Variants in SNTG2 observed in about 807,000 individuals in gnomAD.
The protein encoded by SNTG2 is gamma-2-syntrophin.
In SNTG2, 74 loss-of-function variants were observed where a neutral mutation model predicts 70.9. The observed-to-expected ratio is 1.04, with a 90% CI of 0.86 to 1.27. The LOEUF (loss-of-function observed/expected upper bound fraction) is 1.27, where lower values mean the gene tolerates loss of function less well. Among genes scored for constraint, SNTG2 ranks in the 50% most tolerant of loss-of-function variants. The probability of loss-of-function intolerance (pLI) is 0.00; values close to 1 mark genes in which losing one functional copy is unlikely to be tolerated. For synonymous variants in SNTG2, 278 were observed against 273.8 expected, an observed-to-expected ratio of 1.02 and a Z score of -0.15; for missense variants, 717 against 690.7, an observed-to-expected ratio of 1.04 and a Z score of -0.43.
intron 1 of SNTG2, among the ~76,000 whole-genome samples, chr2:1,062,016 A>G (rs568985205): frequency 2.6e-4 from 39 of 152,364 alleles, no homozygotes; most frequent in African/African-American, 9.1e-4. Context: ...GGAATTAGAC[A>G]TAAGAGGCCT....
At chr2:1,327,915 A>C (rs1421183149) in intron 16 of SNTG2, among the ~76,000 whole-genome samples, 1 of 152,214 alleles carries the variant, frequency 6.6e-6, no homozygotes, top group Non-Finnish European at 1.5e-5. Context: ...AGTAATTTAT[A>C]AAGAAAAGAG....
At chr2:1,072,331 TC>T (rs1553319285) in intron 1 of SNTG2, among the ~76,000 whole-genome samples, 5 of 100,466 alleles carry the variant, frequency 5.0e-5, no homozygotes, top group East Asian at 2.9e-4. Context: ...TTTTTCTTTT[TC>T]TTTTCTTTTT....
chr2:1,000,504 A>G (rs937998801), intron 1 of SNTG2, among the ~76,000 whole-genome samples: 1 of 151,970 alleles, frequency 6.6e-6, no homozygotes, highest in African/African-American at 2.4e-5. Context: ...TTCTGTTCAC[A>G]CAGACTAGAA....
rs150945461 is a variant in SNTG2, at chr2:1,306,732, CTG to C, written c.1285-1757_1285-1756del. 1.3e-3 allele frequency among the ~76,000 whole-genome samples: 187 copies of C among 147,266 alleles called. 1 individual carries two copies. Among genetic ancestry groups the C allele is most frequent in the Middle Eastern group, 8.1e-3 (2 of 246 alleles). On this transcript the variant is annotated intron_variant, in intron 14 of 16. Transcript: ENST00000308624. The stretch of plus-strand genomic sequence containing the variant: ...TGTGCCATGCACTGTCAGCCGTGCG[CTG>C]TGTGAGCCACACTGTGTGTGTCAGC...
chr2:1,305,784 C>T (rs2148242892), intron 14 of SNTG2, among the ~76,000 whole-genome samples: 1 of 152,232 alleles, frequency 6.6e-6, no homozygotes, highest in Middle Eastern at 3.4e-3. Context: ...TTTCCTTCAT[C>T]CTAAGCCCCT....
intron 14 of SNTG2, among the ~76,000 whole-genome samples, chr2:1,280,822 T>C (rs2148205696): frequency 6.6e-6 from 1 of 152,376 alleles, no homozygotes. Flanking sequence ...GTGCTTTGCT[T>C]TTAATAAGTG....
chr2:1,227,512 C>T (rs917215767), intron 9 of SNTG2, among the ~76,000 whole-genome samples: 35 of 152,340 alleles, frequency 2.3e-4, no homozygotes, highest in African/African-American at 6.0e-4. Flanking sequence ...GGGAGAGTCA[C>T]GGCAGACAGC....
At chr2:1,245,816 C>T in intron 11 of SNTG2, among the ~76,000 whole-genome samples, 1 of 152,130 alleles carries the variant, frequency 6.6e-6, no homozygotes, top group East Asian at 1.9e-4. Flanking sequence ...TATGAATGTC[C>T]CTGGCATTTG....
chr2:1,362,023 G>A (rs962636335), intron 16 of SNTG2, among the ~76,000 whole-genome samples: 10 of 150,904 alleles, frequency 6.6e-5, no homozygotes, highest in Non-Finnish European at 8.8e-5. Context: ...GAACTTCCAT[G>A]AAAGTCATTG....
chr2:1,224,638 T>C (rs756810448), intron 9 of SNTG2, among the ~76,000 whole-genome samples: 2 of 152,182 alleles, frequency 1.3e-5, no homozygotes, highest in Non-Finnish European at 2.9e-5. Context: ...ATCTGCAGAA[T>C]GCATTCCATG....
chr2:1,019,732 C>G (rs764378458), intron 1 of SNTG2, among the ~76,000 whole-genome samples: 1 of 152,076 alleles, frequency 6.6e-6, no homozygotes, highest in Non-Finnish European at 1.5e-5. Flanking sequence ...GAGGCTCATG[C>G]GAGGTGGGCG....
intron 1 of SNTG2, among the ~76,000 whole-genome samples, chr2:1,058,863 G>A (rs964025836): frequency 2.0e-5 from 3 of 152,314 alleles, no homozygotes; most frequent in South Asian, 2.1e-4. Flanking sequence ...CTGTGCCAGA[G>A]CCCTCCTTGA....
chr2:989,913 A>G (rs1304424539), intron 1 of SNTG2, among the ~76,000 whole-genome samples: 1 of 152,246 alleles, frequency 6.6e-6, no homozygotes, highest in South Asian at 2.1e-4. Flanking sequence ...TATGCAGTTT[A>G]CTGCATAGAG....
At position 1,175,070 on chromosome 2, in the gene SNTG2, T is replaced by C. The variant is rs372988861; in HGVS notation, c.591+1887T>C. On this transcript the variant is annotated intron_variant, in intron 8 of 16. Coordinates refer to ENST00000308624, the MANE Select transcript of SNTG2 (RefSeq NM_018968.4). Reference sequence around the variant, plus strand: ...ATCTTAAGTTCATAAAGACACTTCCTTATATTTTCCTCTAAATATTGTTAA... The same window carrying C: ...ATCTTAAGTTCATAAAGACACTTCCCTATATTTTCCTCTAAATATTGTTAA... Among the ~76,000 whole-genome samples, 13 of 152,364 alleles carry C rather than the reference T, an allele frequency of 8.5e-5. No individual in the cohort carries two copies. The East Asian group carries it at 1.9e-3, about 23-fold the overall frequency.
rs573123055 is a variant in SNTG2, at chr2:1,244,956, T to C, written c.889-2371T>C. ...TAATAAGGCCATAAAAAATGATGAG[T>C]TCATGTCCTTTGTAGGGACATGGAT... On this transcript the variant is annotated intron_variant, in intron 11 of 16. Coordinates refer to ENST00000308624, the MANE Select transcript of SNTG2 (RefSeq NM_018968.4). 3.3e-5 allele frequency among the ~76,000 whole-genome samples: 5 copies of C among 151,948 alleles called. No individual in the cohort carries two copies. In the East Asian group the frequency reaches 9.7e-4, roughly 30 times the overall value.
intron 4 of SNTG2, among the ~76,000 whole-genome samples, chr2:1,111,611 T>C (rs1236198888): frequency 6.6e-6 from 1 of 152,220 alleles, no homozygotes; most frequent in Non-Finnish European, 1.5e-5. Flanking sequence ...AGATGAAAAA[T>C]ACTTTTTAAT....
At chr2:1,260,778 CAGAAGAATTCGT>C (rs76404701) in intron 13 of SNTG2, among the ~76,000 whole-genome samples, 1 of 152,038 alleles carries the variant, frequency 6.6e-6, no homozygotes. Flanking sequence ...CACATTTCCA[CAGAAGAATTCGT>C]AGAAGAATTC....
At chr2:1,106,231 G>A (rs1327846275) in intron 4 of SNTG2, among the ~76,000 whole-genome samples, 87 of 97,944 alleles carry the variant, frequency 8.9e-4, no homozygotes, top group African/African-American at 3.3e-3. Context: ...AATAGTGGAT[G>A]CGTGCTGTCA....
intron 14 of SNTG2, among the ~76,000 whole-genome samples, chr2:1,296,227 T>C (rs1680208841): frequency 6.6e-6 from 1 of 152,234 alleles, no homozygotes; most frequent in South Asian, 2.1e-4. Flanking sequence ...ATCCTGGAAT[T>C]GGTTAGAATA....
Sources: gnomAD v4.1 joint callset for allele counts (sites outside exome capture counted in the v4.1 genomes callset) on GRCh38, gnomAD v4.1.1 for gene constraint, MANE v1.5 for transcripts, NCBI Gene and HGNC (gene_info 2026-07-23, HGNC 2026-07-21) for gene names.